The following SPATA31H1 variants were observed in gnomAD, a reference collection of about 807,000 sequenced individuals.
The protein encoded by SPATA31H1 is SPATA31 subfamily H member 1.
chr2:27,544,205 T>G, the SPATA31H1 span, among the ~76,000 whole-genome samples: 1 of 152,118 alleles, frequency 6.6e-6, no homozygotes, highest in Non-Finnish European at 1.5e-5. Flanking sequence ...AAATACATTT[T>G]TATTAAGGTA....
chr2:27,576,170 A>G, the SPATA31H1 span: 2 of 406,282 alleles, frequency 4.9e-6, no homozygotes, highest in South Asian at 1.1e-4. Flanking sequence ...GTGTAGAATC[A>G]GGGACAAAAT....
At chr2:27,563,562 A>ATT in the SPATA31H1 span, among the ~76,000 whole-genome samples, 4 of 138,226 alleles carry the variant, frequency 2.9e-5, no homozygotes, top group Non-Finnish European at 6.3e-5. Context: ...CACCCAGCTA[A>ATT]TTTTTTTTTT....
the SPATA31H1 span, chr2:27,576,351 G>C: frequency 2.0e-6 from 1 of 490,950 alleles, no homozygotes; most frequent in Non-Finnish European, 3.6e-6. Context: ...GCAGCTGCAA[G>C]GTATGAATTC....
At chr2:27,577,339 T>C in the SPATA31H1 span, 4 of 1,614,088 alleles carry the variant, frequency 2.5e-6, no homozygotes, top group African/African-American at 1.3e-5. The surrounding 1 kb of genome is among the most constrained non-coding windows in gnomAD (Gnocchi z 4.5). Flanking sequence ...ATGAAGCCAC[T>C]GCAGCAAACT....
At chr2:27,581,220 C>G in the SPATA31H1 span, 1 of 1,614,214 alleles carries the variant, frequency 6.2e-7, no homozygotes, top group Non-Finnish European at 8.5e-7. Flanking sequence ...GGAGAGAACC[C>G]CACGCGGTCC....
the SPATA31H1 span, among the ~76,000 whole-genome samples, chr2:27,539,977 C>G: frequency 1.6e-5 from 2 of 121,660 alleles, no homozygotes; most frequent in Non-Finnish European, 3.6e-5. Flanking sequence ...CTGATCCCCC[C>G]ACCTCCCTCC....
chr2:27,577,270 A>G, the SPATA31H1 span: 1 of 1,614,056 alleles, frequency 6.2e-7, no homozygotes, highest in African/African-American at 1.3e-5. This position sits in a 1 kb window ranked among gnomAD's most constrained non-coding sequence, Gnocchi z 4.5. Flanking sequence ...CAAATCCTAG[A>G]AACTATGGAA....
At chr2:27,551,943 G>A in the SPATA31H1 span, among the ~76,000 whole-genome samples, 1 of 151,882 alleles carries the variant, frequency 6.6e-6, no homozygotes, top group Non-Finnish European at 1.5e-5. Context: ...AGCCTCCCGA[G>A]TAGCTGGGAC....
chr2:27,572,568 C>T, the SPATA31H1 span: 4 of 398,360 alleles, frequency 1.0e-5, no homozygotes, highest in Non-Finnish European at 1.8e-5. Flanking sequence ...TTCAGGACCA[C>T]AGCTGCAAAA....
chr2:27,539,742 G>A, the SPATA31H1 span, among the ~76,000 whole-genome samples: 2 of 62,928 alleles, frequency 3.2e-5, no homozygotes, highest in Admixed American at 4.0e-4. Context: ...GGCCGGGCGG[G>A]GGGCTGACCC....
the SPATA31H1 span, among the ~76,000 whole-genome samples, chr2:27,557,953 A>G: frequency 0.015 from 11 of 744 alleles, no homozygotes; most frequent in Non-Finnish European, 0.029. Flanking sequence ...GCGGCTGGCC[A>G]GGCAGAGGGG....
chr2:27,549,383 G>A, the SPATA31H1 span, among the ~76,000 whole-genome samples: 1 of 151,560 alleles, frequency 6.6e-6, no homozygotes, highest in Non-Finnish European at 1.5e-5. Context: ...GTGTTGTCCA[G>A]GCTGAAGTGC....
At chr2:27,566,365 C>T in the SPATA31H1 span, 4 of 717,122 alleles carry the variant, frequency 5.6e-6, no homozygotes, top group Admixed American at 2.0e-5. Context: ...ACAGATCTTC[C>T]GATACCTAGA....
chr2:27,581,491 G>A, the SPATA31H1 span: 1 of 1,581,590 alleles, frequency 6.3e-7, no homozygotes, highest in South Asian at 1.1e-5. Context: ...AGCCATCGCG[G>A]TCCCTCTCAG....
At chr2:27,541,145 G>A in the SPATA31H1 span, among the ~76,000 whole-genome samples, 3 of 150,358 alleles carry the variant, frequency 2.0e-5, no homozygotes, top group Admixed American at 1.3e-4. Flanking sequence ...CCGGCACCTC[G>A]GGAGGCCGAG....
At chr2:27,578,424 ATAGGAG>A in the SPATA31H1 span, 8 of 1,614,016 alleles carry the variant, frequency 5.0e-6, no homozygotes, top group Admixed American at 3.3e-5. Context: ...TGTAGAACCA[ATAGGAG>A]TAGCCCTAGA....
the SPATA31H1 span, among the ~76,000 whole-genome samples, chr2:27,556,698 T>A: frequency 0.19 from 25,592 of 134,412 alleles, 2,638 homozygotes; most frequent in South Asian, 0.32. Flanking sequence ...ATATATTTTT[T>A]TTTTTTTAAT....
the SPATA31H1 span, chr2:27,577,745 A>G: frequency 3.1e-6 from 5 of 1,614,104 alleles, no homozygotes; most frequent in South Asian, 1.1e-5. The surrounding 1 kb of genome is among the most constrained non-coding windows in gnomAD (Gnocchi z 4.5). Context: ...CTCCAGGGAT[A>G]ATATCAGGGT....
At chr2:27,578,286 C>T in the SPATA31H1 span, 2 of 1,614,130 alleles carry the variant, frequency 1.2e-6, no homozygotes, top group Non-Finnish European at 8.5e-7. Context: ...AATCACAAAG[C>T]CAAAACACCA....
Sources: gnomAD v4.1 joint callset for allele counts (sites outside exome capture counted in the v4.1 genomes callset) on GRCh38, gnomAD v4.1.1 for gene constraint, Gnocchi (gnomAD v3.1) non-coding constraint, MANE v1.5 for transcripts, NCBI Gene and HGNC (gene_info 2026-07-23, HGNC 2026-07-21) for gene names.